SLC7A2: variants seen among roughly 807,000 people sequenced by gnomAD.
SLC7A2 encodes the protein cationic amino acid transporter 2.
Under a neutral mutation model 58.9 loss-of-function variants are expected in SLC7A2, and 48 were observed. The observed-to-expected ratio is 0.82, with a 90% CI of 0.65 to 1.04. The LOEUF is 1.04. Among genes scored for constraint, SLC7A2 ranks in the 50% least tolerant of loss-of-function variants. The probability of loss-of-function intolerance (pLI) is 0.00; values close to 1 mark genes in which losing one functional copy is unlikely to be tolerated. For synonymous variants in SLC7A2, 363 were observed against 314.5 expected, an observed-to-expected ratio of 1.15 and a Z score of -1.63; for missense variants, 1,029 against 818.8, an observed-to-expected ratio of 1.26 and a Z score of -3.13.
chr8:17,530,208 T>C (rs193272383), intron 2 of SLC7A2, among the ~76,000 whole-genome samples: 242 of 152,228 alleles, frequency 1.6e-3, no homozygotes, highest in African/African-American at 5.5e-3. Context: ...CGCCGCTGCT[T>C]CTTTGAGTCA....
rs28587282 is a variant in SLC7A2, at chr8:17,527,456, A to G, written c.-22-15862A>G. Among the ~76,000 whole-genome samples, 215 of 152,312 alleles carry G rather than the reference A, an allele frequency of 1.4e-3. 1 individual carries two copies. Among genetic ancestry groups the G allele is most frequent in the African/African-American group, 5.0e-3 (207 of 41,560 alleles). On this transcript the variant is annotated intron_variant, in intron 2 of 12. Coordinates refer to ENST00000494857, the MANE Select transcript of SLC7A2 (RefSeq NM_001370338.1). ...AACGTGTAATCTAAAGGAATATATT[A>G]ATTTCGTAGGGTTGCCATTCAAAGG...
Position 17,544,570 on chromosome 8 carries a change from G to A in SLC7A2, c.496G>A (p.Asp166Asn), listed in dbSNP as rs902671297. The A allele has an allele frequency of 8.1e-6, 13 of 1,613,776 alleles. No homozygotes were observed. The highest frequency in any genetic ancestry group is 1.3e-5 in the African/African-American group (1 of 74,904). The change falls in exon 4 of 13, where the codon GAT (aspartate) becomes AAT (asparagine). Residue 166 changes from aspartate (D) to asparagine (N), a missense_variant. Transcript: ENST00000494857. Reference sequence around the variant, plus strand: ...TTACACTGGTCTTGCAGAATATCCCGATTTTTTTGCTGTGTGCCTTATATT... The same window carrying A: ...TTACACTGGTCTTGCAGAATATCCCAATTTTTTTGCTGTGTGCCTTATATT... ...MNYTGLAEYP[D>N]FFAVCLILLL...
At chr8:17,498,003 T>C (rs1044219507) in intron 1 of SLC7A2, among the ~76,000 whole-genome samples, 2 of 152,150 alleles carry the variant, frequency 1.3e-5, no homozygotes, top group African/African-American at 4.8e-5. Flanking sequence ...TATTGAGAGA[T>C]TGTCATCTTC....
chr8:17,540,931 C>G lies in SLC7A2; in HGVS notation c.-22-2387C>G, dbSNP rs556039331. On this transcript the variant is annotated intron_variant, in intron 2 of 12. Coordinates refer to ENST00000494857, the MANE Select transcript of SLC7A2 (RefSeq NM_001370338.1). ...ATAGTCGTAGAATTTATATCTTTTT[C>G]TCATAAAAGTCAAGGTTAATTAAGT... is the stretch of plus-strand genomic sequence containing the variant. 2.0e-5 allele frequency among the ~76,000 whole-genome samples: 3 copies of G among 152,220 alleles called. No homozygotes were observed. In the South Asian group the frequency reaches 6.2e-4, roughly 32 times the overall value.
chr8:17,524,585 A>C (rs1253919383), intron 2 of SLC7A2, among the ~76,000 whole-genome samples: 1 of 152,086 alleles, frequency 6.6e-6, no homozygotes, highest in Non-Finnish European at 1.5e-5. Flanking sequence ...TTATGTTCTC[A>C]GTCACATGTG....
intron 2 of SLC7A2, among the ~76,000 whole-genome samples, chr8:17,536,009 C>T (rs891945983): frequency 6.6e-6 from 1 of 152,038 alleles, no homozygotes; most frequent in African/African-American, 2.4e-5. Context: ...AAAACCTTCT[C>T]CAGTATGGTA....
chr8:17,549,136 A>G (rs1168272669), intron 5 of SLC7A2, among the ~76,000 whole-genome samples: 1 of 152,154 alleles, frequency 6.6e-6, no homozygotes, highest in Non-Finnish European at 1.5e-5. Flanking sequence ...CATCACAAGA[A>G]CAGCACAGGA....
chr8:17,564,823 C>T (rs117694171), intron 12 of SLC7A2, 127 bp from the exon 13 acceptor site: 27,715 of 770,916 alleles, frequency 0.036, 643 homozygotes, highest in Middle Eastern at 0.054. Flanking sequence ...TGGTGACCCC[C>T]GTTCTAAAGT....
intron 2 of SLC7A2, among the ~76,000 whole-genome samples, chr8:17,531,135 G>C (rs960585768): frequency 6.6e-6 from 1 of 152,254 alleles, no homozygotes; most frequent in East Asian, 1.9e-4. Flanking sequence ...GCCTAAGATA[G>C]GATATCTCTC....
chr8:17,565,070 C>T lies in SLC7A2; in HGVS notation c.1901C>T (p.Ala634Val), dbSNP rs1245748066. The change falls in exon 13 of 13, where the codon GCC becomes GTC. Residue 634 changes from alanine (A) to valine (V), a missense_variant. Coordinates refer to ENST00000494857, the MANE Select transcript of SLC7A2 (RefSeq NM_001370338.1). The part of the protein sequence containing the change: ...NVHAAAEEKS[A>V]IQANDHHPRN... ...CATGCAGCAGCAGAAGAAAAATCTG[C>T]CATTCAAGCAAATGACCATCACCCA... The T allele has an allele frequency of 1.2e-6, 2 of 1,613,870 alleles. No homozygotes were observed. Among genetic ancestry groups the T allele is most frequent in the Admixed American group, 1.7e-5 (1 of 59,996 alleles).
At chr8:17,496,935 C>G (rs1014787131), upstream of SLC7A2, among the ~76,000 whole-genome samples, 7 of 151,582 alleles carry the variant, frequency 4.6e-5, no homozygotes, top group Non-Finnish European at 8.8e-5. Context: ...GGCCGCACAC[C>G]GCCCACCCCG....
chr8:17,524,412 G>A (rs566990856), intron 2 of SLC7A2, among the ~76,000 whole-genome samples: 211 of 140,858 alleles, frequency 1.5e-3, no homozygotes, highest in African/African-American at 5.7e-3. Context: ...ATATATGTGT[G>A]TGTGTGTGTA....
chr8:17,502,091 A>C (rs1166569310), intron 1 of SLC7A2, among the ~76,000 whole-genome samples, 166 bp from the exon 2 acceptor site: 7 of 151,420 alleles, frequency 4.6e-5, no homozygotes, highest in Admixed American at 4.6e-4. Flanking sequence ...TATTCCCACC[A>C]TATGTATATA....
chr8:17,498,427 A>G (rs1800033032), intron 1 of SLC7A2, among the ~76,000 whole-genome samples: 1 of 152,206 alleles, frequency 6.6e-6, no homozygotes, highest in African/African-American at 2.4e-5. Flanking sequence ...GATGTATAAG[A>G]TGTGAATATT....
intron 2 of SLC7A2, among the ~76,000 whole-genome samples, chr8:17,528,010 TG>T (rs1000507011): frequency 1.3e-5 from 2 of 151,968 alleles, no homozygotes; most frequent in Non-Finnish European, 2.9e-5. Context: ...CAGGGGTGAT[TG>T]GGAGCCATCC....
rs1386093705 is a variant in SLC7A2 at position 17,568,729 on chromosome 8, C to T, written c.*3583C>T. ...CTATAATCCTAGGATCTTGGGAGGT[C>T]GAGGCAAGCTGATCGCTTGAGCCCA... On this transcript the variant is annotated 3_prime_UTR_variant, in exon 13 of 13. Transcript: ENST00000494857. 1.3e-5 allele frequency: 2 copies of T among 151,946 alleles called. No individual in the cohort carries two copies. Among genetic ancestry groups the T allele is most frequent in the East Asian group, 1.9e-4 (1 of 5,170 alleles). 9.4% of individuals were successfully genotyped at this position (151,946 alleles called of 1,614,324 possible).
At chr8:17,531,989 A>G (rs1801468755) in intron 2 of SLC7A2, among the ~76,000 whole-genome samples, 1 of 151,992 alleles carries the variant, frequency 6.6e-6, no homozygotes, top group Non-Finnish European at 1.5e-5. Flanking sequence ...ACACTTTGGG[A>G]GGCTGAGGTG....
chr8:17,517,648 G>A (rs1269818087), intron 2 of SLC7A2, among the ~76,000 whole-genome samples: 7 of 151,654 alleles, frequency 4.6e-5, no homozygotes, highest in South Asian at 2.1e-4. Context: ...TGATTTTCCC[G>A]TATTGCTTAC....
intron 3 of SLC7A2, among the ~76,000 whole-genome samples, chr8:17,544,097 T>C (rs1802050352): frequency 6.6e-6 from 1 of 152,226 alleles, no homozygotes; most frequent in African/African-American, 2.4e-5. Flanking sequence ...CTCGAACTCC[T>C]GACCTCAGGT....
Sources: gnomAD v4.1 joint callset for allele counts (sites outside exome capture counted in the v4.1 genomes callset) on GRCh38, gnomAD v4.1.1 for gene constraint, MANE v1.5 for transcripts, NCBI Gene and HGNC (gene_info 2026-07-23, HGNC 2026-07-21) for gene names.